The following NSF variants were observed in gnomAD, a reference collection of about 807,000 sequenced individuals.
The protein encoded by NSF is vesicle-fusing ATPase.
A neutral mutation model predicts 50.3 loss-of-function variants in NSF; 14 were observed. That is an observed-to-expected ratio of 0.28 (90% CI 0.18 to 0.44). The LOEUF is 0.44. Among genes scored for constraint, NSF ranks in the 20% least tolerant of loss-of-function variants. The pLI, the probability that NSF is intolerant of heterozygous loss-of-function variation, is 1.00. For missense variants in NSF, 218 were observed against 504.3 expected (o/e 0.43, Z 5.44); for synonymous variants, 109 against 175.7 (o/e 0.62, Z 3.00).
intron 15 of NSF, among the ~76,000 whole-genome samples, chr17:46,716,566 A>G (rs556258711): frequency 2.6e-5 from 4 of 152,108 alleles, no homozygotes; most frequent in African/African-American, 9.6e-5. Flanking sequence ...CTGCACCTCC[A>G]TTTTTAGTGT....
At chr17:46,661,408 A>ATTT (rs904643724) in intron 8 of NSF, among the ~76,000 whole-genome samples, 1 of 90,366 alleles carries the variant, frequency 1.1e-5, no homozygotes, top group African/African-American at 4.0e-5. Context: ...TATTATTATT[A>ATTT]TTTTTGAGAT....
At chr17:46,605,486 A>G (rs1343544053) in intron 1 of NSF, among the ~76,000 whole-genome samples, 1 of 149,308 alleles carries the variant, frequency 6.7e-6, no homozygotes, top group Admixed American at 6.6e-5. Context: ...AAAAGATATT[A>G]CCTTCAACAA....
At chr17:46,751,051 G>A (rs111978472) in intron 18 of NSF, among the ~76,000 whole-genome samples, 160 of 152,208 alleles carry the variant, frequency 1.1e-3, no homozygotes, top group African/African-American at 3.7e-3. Context: ...AGTCAGTAAA[G>A]CTTCTTAAAG....
chr17:46,718,192 CT>C (rs1397358311), intron 15 of NSF, among the ~76,000 whole-genome samples: 2 of 152,220 alleles, frequency 1.3e-5, no homozygotes, highest in African/African-American at 4.8e-5. Flanking sequence ...TTGCTCTCCC[CT>C]GACCCACCCC....
chr17:46,729,340 T>G (rs1482118899), intron 17 of NSF, among the ~76,000 whole-genome samples: 1 of 152,190 alleles, frequency 6.6e-6, no homozygotes, highest in Admixed American at 6.6e-5. Context: ...TATGGGGATA[T>G]TTAAGTTTAT....
At chr17:46,720,649 A>G (rs1169659667) in intron 15 of NSF, among the ~76,000 whole-genome samples, 1 of 152,180 alleles carries the variant, frequency 6.6e-6, no homozygotes, top group African/African-American at 2.4e-5. Flanking sequence ...ACCAAATATG[A>G]TTAGAGTATG....
chr17:46,753,731 G>C (rs1484277973), intron 19 of NSF, among the ~76,000 whole-genome samples: 1 of 152,180 alleles, frequency 6.6e-6, no homozygotes. Context: ...ATGTGGGATA[G>C]AGAGTGAGAG....
At chr17:46,737,572 CGT>C (rs10564190) in intron 17 of NSF, among the ~76,000 whole-genome samples, 28,832 of 147,012 alleles carry the variant, frequency 0.2, 4,258 homozygotes, top group East Asian at 0.57. Context: ...GGTGTGTGTG[CGT>C]GTGTGTGTGT....
chr17:46,745,542 T>C (rs923749089), intron 17 of NSF, among the ~76,000 whole-genome samples: 1 of 152,194 alleles, frequency 6.6e-6, no homozygotes, highest in South Asian at 2.1e-4. Flanking sequence ...ATGAGGAAAC[T>C]GGCAGCGATT....
At chr17:46,753,203 A>G (rs936584626) in intron 19 of NSF, among the ~76,000 whole-genome samples, 4 of 152,244 alleles carry the variant, frequency 2.6e-5, no homozygotes, top group African/African-American at 9.6e-5. Flanking sequence ...GCTGTATTCT[A>G]GGCATCATGT....
In NSF at chr17:46,726,529, A is replaced by G. The variant is rs760692570; in HGVS notation, c.1762-20A>G. 112 of 1,612,320 alleles carry G rather than the reference A, an allele frequency of 6.9e-5. No individual in the cohort carries two copies. The highest frequency in any genetic ancestry group is 9.0e-5 in the Non-Finnish European group (106 of 1,178,522). On this transcript the variant is annotated intron_variant, in intron 15 of 20. Coordinates refer to ENST00000398238, the MANE Select transcript of NSF (RefSeq NM_006178.4). ...ACTGTGGAGGACAGTGAGATAATAAATGACTTTGTTTTCTTTCAGATCTTT... is the reference window on the plus strand; with the variant it reads ...ACTGTGGAGGACAGTGAGATAATAAGTGACTTTGTTTTCTTTCAGATCTTT...
In NSF at chr17:46,697,277, C is replaced by T. The variant is rs2058603965; in HGVS notation, c.1374+2615C>T. Among the ~76,000 whole-genome samples, 3 of 127,434 alleles carry T rather than the reference C, an allele frequency of 2.4e-5. No homozygotes were observed. The South Asian group carries it at 7.2e-4, about 30-fold the overall frequency. 83.6% of individuals were successfully genotyped at this position (127,434 alleles called of 152,430 possible). A position where few individuals can be genotyped will look rare whatever the true frequency, so the allele number is the denominator to read the frequency against. On this transcript the variant is annotated intron_variant, in intron 12 of 20. Transcript: ENST00000398238. ...CCAGGCTGGAGTGCAGTGGCACAGT[C>T]TTCGCTCACTGCAACCTCTGCCTCC...
chr17:46,709,251 A>T (rs1190208424), intron 13 of NSF, among the ~76,000 whole-genome samples: 1 of 152,160 alleles, frequency 6.6e-6, no homozygotes, highest in African/African-American at 2.4e-5. Context: ...TTCAAAAGTA[A>T]CTCCAAGATT....
chr17:46,723,332 C>T (rs2058852229), intron 15 of NSF, among the ~76,000 whole-genome samples: 2 of 152,112 alleles, frequency 1.3e-5, no homozygotes, highest in African/African-American at 2.4e-5. Context: ...TTTTGAAAAG[C>T]AAAGCATTAT....
chr17:46,681,562 C>CA (rs138678088), intron 9 of NSF, among the ~76,000 whole-genome samples: 26,940 of 148,174 alleles, frequency 0.18, 3,968 homozygotes, highest in East Asian at 0.6. Flanking sequence ...ATCTCGTCTT[C>CA]AAAAAAAAAA....
intron 17 of NSF, among the ~76,000 whole-genome samples, chr17:46,736,449 G>A (rs530201371): frequency 6.6e-6 from 1 of 152,300 alleles, no homozygotes; most frequent in South Asian, 2.1e-4. Flanking sequence ...GAGATTTCCT[G>A]TGTCCTTGGG....
intron 18 of NSF, among the ~76,000 whole-genome samples, 174 bp downstream of exon 18, chr17:46,750,081 G>A (rs1002201138): frequency 3.3e-5 from 5 of 152,176 alleles, no homozygotes; most frequent in African/African-American, 9.7e-5. Flanking sequence ...GGCCAGGCAC[G>A]GTGGCTTATG....
intron 17 of NSF, 117 bp from the exon 18 acceptor site, chr17:46,749,655 TA>T: frequency 1.1e-6 from 1 of 939,146 alleles, no homozygotes; most frequent in Non-Finnish European, 1.5e-6. Context: ...CTGTTTTGCC[TA>T]ATCATTTGCA....
At chr17:46,690,222 TTAAA>T (rs1479599418) in intron 9 of NSF, among the ~76,000 whole-genome samples, 1 of 32,480 alleles carries the variant, frequency 3.1e-5, no homozygotes, top group African/African-American at 1.4e-4. Context: ...TTAGAAATAA[TTAAA>T]TATCTAACAG....
Sources: allele counts gnomAD v4.1 joint callset (sites outside exome capture counted in the v4.1 genomes callset), GRCh38; gene constraint gnomAD v4.1.1; transcripts MANE v1.5; gene names NCBI Gene and HGNC (gene_info 2026-07-23, HGNC 2026-07-21).